Variants in AGPAT4 observed in about 807,000 individuals in gnomAD.
The protein encoded by AGPAT4 is 1-acylglycerol-3-phosphate O-acyltransferase 4.
AGPAT4 carries 15 observed loss-of-function variants against 48.0 expected under a neutral mutation model. The observed-to-expected ratio is 0.31, with a 90% CI of 0.21 to 0.48. The LOEUF (loss-of-function observed/expected upper bound fraction) is 0.48. Among genes scored for constraint, AGPAT4 ranks in the 20% least tolerant of loss-of-function variants. The pLI is 0.99. For missense variants in AGPAT4, 314 were observed against 482.5 expected (o/e 0.65, Z 3.27); for synonymous variants, 178 against 198.7 (o/e 0.90, Z 0.88).
intron 8 of AGPAT4, 136 bp from the exon 9 acceptor site, chr6:161,136,770 C>G: frequency 1.5e-6 from 1 of 677,468 alleles, no homozygotes. Flanking sequence ...TTTGAGGTGC[C>G]ATCATCCTGC....
In AGPAT4 at chr6:161,146,314, A is replaced by AGAGAATAGC. The variant is rs1359279937; in HGVS notation, c.843+201_843+209dup. On this transcript the variant is annotated intron_variant, in intron 7 of 8. Transcript: ENST00000320285. The surrounding 1 kb of genome is among the most constrained non-coding windows in gnomAD (Gnocchi z 7.1). Reference sequence around the variant, plus strand: ...ACTTCTCCCTTGGTCCACTACACCTAGAGAATAGCTTCATTGTGTGTGTGT... The same window carrying AGAGAATAGC: ...ACTTCTCCCTTGGTCCACTACACCTAGAGAATAGCGAGAATAGCTTCATTGTGTGTGTGT... 6.6e-6 allele frequency among the ~76,000 whole-genome samples: 1 copy of AGAGAATAGC among 150,428 alleles called. No homozygotes were observed. Among genetic ancestry groups the AGAGAATAGC allele is most frequent in the East Asian group, 1.9e-4 (1 of 5,194 alleles).
Position 161,143,647 on chromosome 6 carries a change from A to G in AGPAT4, c.843+2877T>C, listed in dbSNP as rs1779327740. On this transcript the variant is annotated intron_variant, in intron 7 of 8. Coordinates refer to ENST00000320285, the MANE Select transcript of AGPAT4 (RefSeq NM_020133.3). This position sits in a 1 kb window ranked among gnomAD's most constrained non-coding sequence, Gnocchi z 4.7. ...ACACAAGGGCATGAATGGTTTCTCA[A>G]AGCCTTCCAACAACACGAGTCCCAA... Among the ~76,000 whole-genome samples, 1 of 152,192 alleles carries G rather than the reference A, an allele frequency of 6.6e-6. No individual in the cohort carries two copies. Among genetic ancestry groups the G allele is most frequent in the Non-Finnish European group, 1.5e-5 (1 of 68,036 alleles).
rs1222635573 is a variant in AGPAT4 at position 161,138,791 on chromosome 6, C to G, written c.1042+631G>C. Among the ~76,000 whole-genome samples the G allele has an allele frequency of 6.6e-6, 1 of 152,232 alleles. No individual in the cohort carries two copies. The highest frequency in any genetic ancestry group is 1.9e-4 in the East Asian group (1 of 5,172). ...GGAAACCCCAAAGTCTTCCTTGGCT[C>G]CAGGAAGCACGGACCTGCTGTTCAC... On this transcript the variant is annotated intron_variant, in intron 8 of 8. Transcript: ENST00000320285. The surrounding 1 kb of genome is among the most constrained non-coding windows in gnomAD (Gnocchi z 4.8).
intron 2 of AGPAT4, among the ~76,000 whole-genome samples, chr6:161,194,550 A>C (rs1460338085): frequency 6.7e-6 from 1 of 148,896 alleles, no homozygotes; most frequent in East Asian, 2.0e-4. Flanking sequence ...GTGTATGTGT[A>C]TGTGTGCATG....
At position 161,137,443 on chromosome 6, in the gene AGPAT4, C is replaced by G. The variant is rs931531934; in HGVS notation, c.1043-809G>C. Among the ~76,000 whole-genome samples the G allele has an allele frequency of 6.6e-6, 1 of 152,164 alleles. No individual in the cohort carries two copies. Among genetic ancestry groups the G allele is most frequent in the Non-Finnish European group, 1.5e-5 (1 of 68,034 alleles). On this transcript the variant is annotated intron_variant, in intron 8 of 8. Transcript: ENST00000320285. The surrounding 1 kb of genome is among the most constrained non-coding windows in gnomAD (Gnocchi z 6.1). The stretch of plus-strand genomic sequence containing the variant: ...GATTATCTAGCATTAGCATCGCGGT[C>G]GATAAACTAACTGGGACATGGATGC...
intron 2 of AGPAT4, among the ~76,000 whole-genome samples, chr6:161,191,060 C>T (rs7744842): frequency 0.18 from 27,198 of 152,132 alleles, 4,354 homozygotes; most frequent in African/African-American, 0.44. Flanking sequence ...CTTAAGAACA[C>T]AATATGGAGA....
At chr6:161,179,253 A>T (rs1780516137) in intron 2 of AGPAT4, among the ~76,000 whole-genome samples, 1 of 152,204 alleles carries the variant, frequency 6.6e-6, no homozygotes, top group Admixed American at 6.5e-5. Flanking sequence ...CAGAGTTAGG[A>T]CGTGTGTGGC....
At chr6:161,241,893 C>T (rs188333288) in intron 1 of AGPAT4, among the ~76,000 whole-genome samples, 1 of 152,040 alleles carries the variant, frequency 6.6e-6, no homozygotes, top group Non-Finnish European at 1.5e-5. Context: ...CTATCACGCT[C>T]GAATAATTTT....
At position 161,161,778 on chromosome 6, in the gene AGPAT4, C is replaced by T. The variant is rs1397894779; in HGVS notation, c.348+4470G>A. On this transcript the variant is annotated intron_variant, in intron 3 of 8. Transcript: ENST00000320285. This position sits in a 1 kb window ranked among gnomAD's most constrained non-coding sequence, Gnocchi z 4.6. Reference sequence around the variant, plus strand: ...AGAAACCACACACAATCAACACTCACTGGACACGTATTTTGAAGGTATATC... The same window carrying T: ...AGAAACCACACACAATCAACACTCATTGGACACGTATTTTGAAGGTATATC... The T allele has an allele frequency of 6.5e-6, 2 of 307,132 alleles. No individual in the cohort carries two copies. Among genetic ancestry groups the T allele is most frequent in the African/African-American group, 2.2e-5 (1 of 46,290 alleles). 19.0% of individuals were successfully genotyped at this position (307,132 alleles called of 1,614,324 possible).
rs1219232763 is a variant in AGPAT4, at chr6:161,238,732, C to T, written c.-89-6430G>A. The stretch of plus-strand genomic sequence containing the variant: ...ATCTCCACATGTCGTGGGAGGGAAC[C>T]AGTGGGAGGTAACTGAATCATGGGA... On this transcript the variant is annotated intron_variant, in intron 1 of 8. Transcript: ENST00000320285. This position sits in a 1 kb window ranked among gnomAD's most constrained non-coding sequence, Gnocchi z 5.2. Among the ~76,000 whole-genome samples, 1 of 152,238 alleles carries T rather than the reference C, an allele frequency of 6.6e-6. No homozygotes were observed. Among genetic ancestry groups the T allele is most frequent in the African/African-American group, 2.4e-5 (1 of 41,532 alleles).
In AGPAT4 at chr6:161,216,355, G is replaced by C. The variant is rs1360075399; in HGVS notation, c.178+15681C>G. On this transcript the variant is annotated intron_variant, in intron 2 of 8. Coordinates refer to ENST00000320285, the MANE Select transcript of AGPAT4 (RefSeq NM_020133.3). The surrounding 1 kb of genome is among the most constrained non-coding windows in gnomAD (Gnocchi z 4.8). ...GTCCTCAAGCAAACGTCTGCAACAA[G>C]TGCGTCTCTTGTCCAGGATGACAGA... Among the ~76,000 whole-genome samples the C allele has an allele frequency of 6.6e-6, 1 of 152,196 alleles. No homozygotes were observed. Among genetic ancestry groups the C allele is most frequent in the Non-Finnish European group, 1.5e-5 (1 of 68,040 alleles).
At chr6:161,167,295 G>A (rs1249513417) in intron 2 of AGPAT4, among the ~76,000 whole-genome samples, 4 of 152,224 alleles carry the variant, frequency 2.6e-5, no homozygotes, top group East Asian at 1.9e-4. Context: ...GTGTGATCAC[G>A]GCTCACTGCA....
intron 2 of AGPAT4, among the ~76,000 whole-genome samples, chr6:161,199,789 C>G (rs570555131): frequency 6.6e-6 from 1 of 152,300 alleles, no homozygotes; most frequent in African/African-American, 2.4e-5. Context: ...CTACGTCTTC[C>G]GCCATGAGTG....
chr6:161,249,266 C>T lies in AGPAT4; in HGVS notation c.-89-16964G>A, dbSNP rs907042158. Among the ~76,000 whole-genome samples, 1 of 152,156 alleles carries T rather than the reference C, an allele frequency of 6.6e-6. No individual in the cohort carries two copies. Among genetic ancestry groups the T allele is most frequent in the Non-Finnish European group, 1.5e-5 (1 of 68,028 alleles). On this transcript the variant is annotated intron_variant, in intron 1 of 8. Coordinates refer to ENST00000320285, the MANE Select transcript of AGPAT4 (RefSeq NM_020133.3). This position sits in a 1 kb window ranked among gnomAD's most constrained non-coding sequence, Gnocchi z 6.2. ...TGGACATAGGAATGGGCAAAGATTTCATGACGAACACACCAAAGCAATTGC... is the reference window on the plus strand; with the variant it reads ...TGGACATAGGAATGGGCAAAGATTTTATGACGAACACACCAAAGCAATTGC...
Position 161,259,191 on chromosome 6 carries a change from T to C in AGPAT4, c.-90+14747A>G, listed in dbSNP as rs1164574106. 1.3e-5 allele frequency among the ~76,000 whole-genome samples: 2 copies of C among 152,202 alleles called. No homozygotes were observed. The highest frequency in any genetic ancestry group is 4.8e-5 in the African/African-American group (2 of 41,446). The stretch of plus-strand genomic sequence containing the variant: ...ACGTTTACACCGTGAAATGATTAAA[T>C]GAAGCTCGCTAACGTATCGATCACT... On this transcript the variant is annotated intron_variant, in intron 1 of 8. Coordinates refer to ENST00000320285, the MANE Select transcript of AGPAT4 (RefSeq NM_020133.3). This position sits in a 1 kb window ranked among gnomAD's most constrained non-coding sequence, Gnocchi z 4.9.
intron 2 of AGPAT4, among the ~76,000 whole-genome samples, chr6:161,190,086 ATC>A (rs1347935755): frequency 2.6e-5 from 4 of 152,210 alleles, no homozygotes; most frequent in Non-Finnish European, 5.9e-5. Flanking sequence ...GATGAGCTGT[ATC>A]TGAAGTGCAG....
In AGPAT4 at chr6:161,226,318, C is replaced by A. The variant is rs963648112; in HGVS notation, c.178+5718G>T. On this transcript the variant is annotated intron_variant, in intron 2 of 8. Coordinates refer to ENST00000320285, the MANE Select transcript of AGPAT4 (RefSeq NM_020133.3). The surrounding 1 kb of genome is among the most constrained non-coding windows in gnomAD (Gnocchi z 6.3). ...TTTGGAACTCAAAGAGTGAAAACTCCTGCTTAGATTGAATTGAAATGAGAA... is the reference window on the plus strand; with the variant it reads ...TTTGGAACTCAAAGAGTGAAAACTCATGCTTAGATTGAATTGAAATGAGAA... Among the ~76,000 whole-genome samples, 1 of 152,192 alleles carries A rather than the reference C, an allele frequency of 6.6e-6. No individual in the cohort carries two copies. The highest frequency in any genetic ancestry group is 2.4e-5 in the African/African-American group (1 of 41,438).
At chr6:161,187,425 C>G (rs6925932) in intron 2 of AGPAT4, among the ~76,000 whole-genome samples, 124,205 of 152,036 alleles carry the variant, frequency 0.82, 51,027 homozygotes, top group East Asian at 0.91. Flanking sequence ...GTGACAGCAG[C>G]AGTTGTGTAG....
In AGPAT4 at chr6:161,235,552, C is replaced by T. The variant is rs1782250554; in HGVS notation, c.-89-3250G>A. ...ATTCTCGCACTGCTATAAAGAAATACCTGAGACTGGACAATTTATAAAGAA... is the reference window on the plus strand; with the variant it reads ...ATTCTCGCACTGCTATAAAGAAATATCTGAGACTGGACAATTTATAAAGAA... On this transcript the variant is annotated intron_variant, in intron 1 of 8. Coordinates refer to ENST00000320285, the MANE Select transcript of AGPAT4 (RefSeq NM_020133.3). The surrounding 1 kb of genome is among the most constrained non-coding windows in gnomAD (Gnocchi z 6.2). 6.6e-6 allele frequency among the ~76,000 whole-genome samples: 1 copy of T among 152,156 alleles called. No individual in the cohort carries two copies. Among genetic ancestry groups the T allele is most frequent in the Admixed American group, 6.5e-5 (1 of 15,274 alleles).
Sources: gnomAD v4.1 joint callset for allele counts (sites outside exome capture counted in the v4.1 genomes callset) on GRCh38, gnomAD v4.1.1 for gene constraint, Gnocchi (gnomAD v3.1) non-coding constraint, MANE v1.5 for transcripts, NCBI Gene and HGNC (gene_info 2026-07-23, HGNC 2026-07-21) for gene names.